Variants in CFHR5 observed in about 807,000 individuals in gnomAD.
CFHR5 encodes complement factor H related 5.
In CFHR5, 73 loss-of-function variants were observed where a neutral mutation model predicts 62.9. That is an observed-to-expected ratio of 1.16 (90% confidence interval 0.96 to 1.41). CFHR5 has a LOEUF of 1.41. Among genes scored for constraint, CFHR5 ranks in the 40% most tolerant of loss-of-function variants. CFHR5 has a pLI of 0.00. For missense variants in CFHR5, 779 were observed against 679.9 expected (o/e 1.15, Z -1.62); for synonymous variants, 249 against 227.2 (o/e 1.10, Z -0.86).
rs1419726038 is a variant in CFHR5 at position 196,996,072 on chromosome 1, C to T, written c.841C>T (p.Gln281Ter). 20 of 1,613,816 alleles carry T rather than the reference C, an allele frequency of 1.2e-5. No individual in the cohort carries two copies. Among genetic ancestry groups the T allele is most frequent in the Non-Finnish European group, 1.7e-5 (20 of 1,179,798 alleles). Residue 281 changes from glutamine (Q) to a stop codon, truncating the protein, a stop_gained, in exon 6 of 10, where the codon CAG becomes TAG. Transcript: ENST00000256785. LOFTEE classifies it high-confidence loss of function. ...YIPELEYGYV[Q>*]PSVPPYQHGV... Reference sequence around the variant, plus strand: ...ACCTGAACTCGAGTACGGTTATGTTCAGCCGTCTGTCCCTCCCTATCAACA... The same window carrying T: ...ACCTGAACTCGAGTACGGTTATGTTTAGCCGTCTGTCCCTCCCTATCAACA...
At position 196,998,132 on chromosome 1, in the gene CFHR5, A is replaced by AC; in HGVS notation, c.976dup (p.His326ProfsTer4). ...ATTTAATATTATTTTTTATAGCAAC[A>AC]CACCAACTTAAGAGGTGCAAAATAG... is the stretch of plus-strand genomic sequence containing the variant. On this transcript the variant is annotated frameshift_variant, in exon 7 of 10. Transcript: ENST00000256785. LOFTEE classifies it high-confidence loss of function. 6.5e-7 allele frequency: 1 copy of AC among 1,529,838 alleles called. No individual in the cohort carries two copies. The highest frequency in any genetic ancestry group is 1.2e-5 in the South Asian group (1 of 82,926). The allele number at this position is 1,529,838 out of a possible 1,614,324, so 94.8% of individuals were successfully genotyped here. A position where few individuals can be genotyped will look rare whatever the true frequency, so the allele number is the denominator to read the frequency against.
chr1:196,997,984 A>G (rs1369463714), intron 6 of CFHR5, 144 bp from the exon 7 acceptor site: 1 of 536,952 alleles, frequency 1.9e-6, no homozygotes, highest in African/African-American at 2.0e-5. Context: ...TTCTTTTTCC[A>G]ACAGCATTGT....
At chr1:196,985,864 G>A (rs1653670538) in intron 3 of CFHR5, among the ~76,000 whole-genome samples, 2 of 152,268 alleles carry the variant, frequency 1.3e-5, no homozygotes, top group African/African-American at 4.8e-5. Flanking sequence ...ATAAGTCCTG[G>A]TTCCATTTAG....
intron 9 of CFHR5, among the ~76,000 whole-genome samples, chr1:197,005,619 CA>C (rs899322600): frequency 3.2e-4 from 48 of 152,224 alleles, no homozygotes; most frequent in African/African-American, 1.1e-3. Flanking sequence ...GCATGAACGT[CA>C]GTTTACTCTA....
chr1:197,006,583 G>A (rs542160073), intron 9 of CFHR5, among the ~76,000 whole-genome samples: 5 of 151,658 alleles, frequency 3.3e-5, no homozygotes, highest in East Asian at 3.9e-4. Flanking sequence ...TGGGTGGCAC[G>A]TGCCTGTAAT....
intron 1 of CFHR5, among the ~76,000 whole-genome samples, chr1:196,980,240 A>C (rs1024158037): frequency 1.4e-4 from 22 of 152,076 alleles, no homozygotes; most frequent in Admixed American, 5.9e-4. Flanking sequence ...GATGTTTTAC[A>C]GTTATTTTTT....
At position 196,991,249 on chromosome 1, in the gene CFHR5, T is replaced by C. The variant is rs146707869; in HGVS notation, c.431-2831T>C. On this transcript the variant is annotated intron_variant, in intron 3 of 9. Coordinates refer to ENST00000256785, the MANE Select transcript of CFHR5 (RefSeq NM_030787.4). ...AAGGTCTTCTCTACACTGTTTATTC[T>C]AGTTAGCCATCCATCTAATCTTTTT... Among the ~76,000 whole-genome samples, 637 of 152,296 alleles carry C rather than the reference T, an allele frequency of 4.2e-3. 9 individuals are homozygous for C. The highest frequency in any genetic ancestry group is 0.035 in the East Asian group (180 of 5,180).
At chr1:196,998,080 T>G (rs1414018802) in intron 6 of CFHR5, 48 bp from the exon 7 acceptor site, 2 of 1,185,700 alleles carry the variant, frequency 1.7e-6, no homozygotes, top group Non-Finnish European at 2.4e-6. Flanking sequence ...ATTGCAGATA[T>G]TTTATTGACA....
At chr1:196,977,283 C>A (rs1404460970), upstream of CFHR5, among the ~76,000 whole-genome samples, 2 of 139,986 alleles carry the variant, frequency 1.4e-5, no homozygotes, top group East Asian at 2.3e-4. Context: ...ACAGCTGAAC[C>A]CTTGGCTAGA....
At position 197,008,778 on chromosome 1, in the gene CFHR5, T is replaced by G. The variant is rs1211551509; in HGVS notation, c.*95T>G. The G allele has an allele frequency of 9.8e-7, 1 of 1,024,238 alleles. No homozygotes were observed. Among genetic ancestry groups the G allele is most frequent in the Non-Finnish European group, 1.5e-6 (1 of 658,292 alleles). 63.4% of individuals were successfully genotyped at this position (1,024,238 alleles called of 1,614,324 possible). A position where few individuals can be genotyped will look rare whatever the true frequency, so the allele number is the denominator to read the frequency against. On this transcript the variant is annotated 3_prime_UTR_variant, in exon 10 of 10. Coordinates refer to ENST00000256785, the MANE Select transcript of CFHR5 (RefSeq NM_030787.4). Reference sequence around the variant, plus strand: ...AATTCTGTAGTTACTTCTTTTATTCTTTCAGGTGTTGTTTAACTCAGTTTT... The same window carrying G: ...AATTCTGTAGTTACTTCTTTTATTCGTTCAGGTGTTGTTTAACTCAGTTTT...
chr1:196,987,715 G>T lies in CFHR5; in HGVS notation c.430+3578G>T, dbSNP rs982653300. ...TCTGAGGCCTCTGTTCTGTTCCATT[G>T]GTCTATATCTCTGTTTTGGTACCAG... On this transcript the variant is annotated intron_variant, in intron 3 of 9. Coordinates refer to ENST00000256785, the MANE Select transcript of CFHR5 (RefSeq NM_030787.4). 3.3e-5 allele frequency among the ~76,000 whole-genome samples: 5 copies of T among 152,058 alleles called. 1 individual carries two copies. The South Asian group carries it at 1.0e-3, about 32-fold the overall frequency.
upstream of CFHR5, among the ~76,000 whole-genome samples, chr1:196,975,621 T>C (rs1025047056): frequency 1.3e-5 from 2 of 152,058 alleles, no homozygotes; most frequent in Non-Finnish European, 2.9e-5. Context: ...TATATCTAGA[T>C]GAAAAAATAA....
chr1:197,005,862 G>A (rs559350463), intron 9 of CFHR5, among the ~76,000 whole-genome samples: 3 of 152,208 alleles, frequency 2.0e-5, no homozygotes, highest in South Asian at 4.1e-4. Context: ...GGCCTATACA[G>A]TGCTTCAAAC....
chr1:196,988,465 C>T (rs924996371), intron 3 of CFHR5, among the ~76,000 whole-genome samples: 4 of 152,104 alleles, frequency 2.6e-5, no homozygotes, highest in African/African-American at 9.7e-5. Context: ...AAAGGGAATG[C>T]TTCCAGTTTT....
At chr1:196,987,327 T>C (rs1031419056) in intron 3 of CFHR5, among the ~76,000 whole-genome samples, 5 of 152,192 alleles carry the variant, frequency 3.3e-5, no homozygotes, top group African/African-American at 1.2e-4. Flanking sequence ...TTCACTCTGA[T>C]GGTAGTTTCT....
At chr1:197,006,841 A>AT (rs1284888279) in intron 9 of CFHR5, among the ~76,000 whole-genome samples, 6 of 151,288 alleles carry the variant, frequency 4.0e-5, no homozygotes. Context: ...ATCTTTTTTT[A>AT]TTTTTATTTT....
chr1:196,995,569 A>G, intron 4 of CFHR5, 148 bp from the exon 5 acceptor site: 1 of 668,492 alleles, frequency 1.5e-6, no homozygotes, highest in Non-Finnish European at 2.6e-6. Context: ...TGCAGTCAAT[A>G]CACTATGTAC....
In CFHR5 at chr1:197,004,792, G is replaced by A; in HGVS notation, c.1462G>A (p.Val488Ile). The A allele has an allele frequency of 6.2e-7, 1 of 1,613,792 alleles. No homozygotes were observed. The highest frequency in any genetic ancestry group is 8.5e-7 in the Non-Finnish European group (1 of 1,179,838). The change falls in exon 9 of 10, where the codon GTA becomes ATA. Residue 488 changes from valine to isoleucine, a missense_variant. By Grantham distance (29) the Val-to-Ile change is conservative (BLOSUM62 3). Coordinates refer to ENST00000256785, the MANE Select transcript of CFHR5 (RefSeq NM_030787.4). ...GTCCTTCTATAAACTCCAGGGCTCT[G>A]TAACTGTAACATGCAGAAATAAACA... ...CQSFYKLQGS[V>I]TVTCRNKQWS...
intron 3 of CFHR5, among the ~76,000 whole-genome samples, chr1:196,991,149 T>C (rs1653838655): frequency 1.3e-5 from 2 of 152,216 alleles, no homozygotes; most frequent in Admixed American, 1.3e-4. Context: ...TTCCACATGA[T>C]CAAATCGGCT....
Sources: gnomAD v4.1 joint callset for allele counts (sites outside exome capture counted in the v4.1 genomes callset) on GRCh38, gnomAD v4.1.1 for gene constraint, MANE v1.5 for transcripts, NCBI Gene and HGNC (gene_info 2026-07-23, HGNC 2026-07-21) for gene names.